The following LMNA variants were observed in gnomAD, a reference collection of about 807,000 sequenced individuals.
LMNA encodes the protein lamin.
Under a neutral mutation model 70.4 loss-of-function variants are expected in LMNA, and 20 were observed. That is an observed-to-expected ratio of 0.28 (90% CI 0.20 to 0.41). The LOEUF is 0.41. Ranked by LOEUF, LMNA falls within the 10% of genes least tolerant of loss-of-function variation. The pLI, the probability that LMNA is intolerant of heterozygous loss-of-function variation, is 1.00. For missense variants in LMNA, 652 were observed against 917.2 expected, an observed-to-expected ratio of 0.71 and a Z score of 3.73; for synonymous variants, 339 against 372.8, an observed-to-expected ratio of 0.91 and a Z score of 1.04.
At chr1:156,126,247 G>A (rs1474482130) in intron 1 of LMNA, 2 of 1,496,872 alleles carry the variant, frequency 1.3e-6, no homozygotes, top group East Asian at 2.5e-5. Context: ...CTGAGGAGTG[G>A]GTCTAAGGAG....
At chr1:156,118,998 T>C (rs1650017596) in intron 1 of LMNA, among the ~76,000 whole-genome samples, 1 of 152,096 alleles carries the variant, frequency 6.6e-6, no homozygotes, top group African/African-American at 2.4e-5. Context: ...CAGGCTGGGG[T>C]GCAGTGGCAT....
intron 2 of LMNA, among the ~76,000 whole-genome samples, chr1:156,131,115 C>CA (rs1289474398): frequency 6.6e-6 from 1 of 151,940 alleles, no homozygotes; most frequent in Non-Finnish European, 1.5e-5. Flanking sequence ...ACTAAAAATA[C>CA]AAAAAATTAG....
intron 2 of LMNA, among the ~76,000 whole-genome samples, chr1:156,088,016 C>T (rs1229180715): frequency 2.6e-5 from 4 of 151,868 alleles, no homozygotes; most frequent in East Asian, 1.9e-4. Context: ...GGACTACAGG[C>T]GCGCACCACC....
Position 156,135,367 on chromosome 1 carries a change from G to A in LMNA, c.936+55G>A. On this transcript the variant is annotated intron_variant, in intron 5 of 11. Coordinates refer to ENST00000368300, the MANE Select transcript of LMNA (RefSeq NM_170707.4). This position sits in a 1 kb window ranked among gnomAD's most constrained non-coding sequence, Gnocchi z 4.8. ...GGGCCTAGAGTCTGGGCCGGATGCA[G>A]GCTGGAAGCCCAGGGTTGGGGGTGG... is the stretch of plus-strand genomic sequence containing the variant. The A allele has an allele frequency of 6.3e-7, 1 of 1,582,172 alleles. No individual in the cohort carries two copies. The highest frequency in any genetic ancestry group is 8.6e-7 in the Non-Finnish European group (1 of 1,163,420).
Position 156,136,231 on chromosome 1 carries a change from G to C in LMNA, c.1175G>C (p.Ser392Thr). The C allele has an allele frequency of 1.2e-6, 2 of 1,612,280 alleles. No homozygotes were observed. Among genetic ancestry groups the C allele is most frequent in the Non-Finnish European group, 1.7e-6 (2 of 1,180,026 alleles). ...GEEERLRLSP[S>T]PTSQRSRGRA... ...CTCCCCAGGCTACGCCTGTCCCCCA[G>C]CCCTACCTCGCAGCGCAGCCGTGGC... is the stretch of plus-strand genomic sequence containing the variant. Residue 392 changes from serine (S) to threonine (T), a missense_variant, in exon 7 of 12, where the codon AGC becomes ACC. Around this residue, in one of 4 missense-constraint regions of LMNA, gnomAD observed 327 missense variants for 387.6 expected, o/e 0.84. Transcript: ENST00000368300. The surrounding 1 kb of genome is among the most constrained non-coding windows in gnomAD (Gnocchi z 6.1).
Position 156,137,859 on chromosome 1 carries a change from G to A in LMNA, c.1698+116G>A. 8 of 1,530,670 alleles carry A rather than the reference G, an allele frequency of 5.2e-6. No homozygotes were observed. The highest frequency in any genetic ancestry group is 7.0e-6 in the Non-Finnish European group (8 of 1,142,590). 94.8% of individuals were successfully genotyped at this position (1,530,670 alleles called of 1,614,324 possible). ...AATCTTTTCATTAAAGAATGTTTTGGAACTTTACTCGCTGGCCTGGCCTTT... is the reference window on the plus strand; with the variant it reads ...AATCTTTTCATTAAAGAATGTTTTGAAACTTTACTCGCTGGCCTGGCCTTT... On this transcript the variant is annotated intron_variant, in intron 10 of 11. Transcript: ENST00000368300. The surrounding 1 kb of genome is among the most constrained non-coding windows in gnomAD (Gnocchi z 4.6).
chr1:156,111,517 G>A (rs185674251), upstream of LMNA, among the ~76,000 whole-genome samples: 1 of 151,848 alleles, frequency 6.6e-6, no homozygotes, highest in Admixed American at 6.6e-5. Flanking sequence ...TTTCACTCAT[G>A]CATGCTCCAG....
chr1:156,129,862 G>A (rs1249745130), intron 1 of LMNA: 2 of 771,556 alleles, frequency 2.6e-6, no homozygotes, highest in Admixed American at 1.7e-5. Flanking sequence ...GGACCTGGAG[G>A]CCTGGGATCC....
chr1:156,094,568 C>T (rs1648840886), intron 3 of LMNA, among the ~76,000 whole-genome samples: 1 of 152,128 alleles, frequency 6.6e-6, no homozygotes, highest in Non-Finnish European at 1.5e-5. Context: ...CCTGTGCTAT[C>T]TCAAACTCCT....
chr1:156,118,989 A>C (rs561475280), intron 1 of LMNA, among the ~76,000 whole-genome samples: 1 of 152,264 alleles, frequency 6.6e-6, no homozygotes, highest in South Asian at 2.1e-4. Context: ...TCTGTTGCCC[A>C]GGCTGGGGTG....
intron 3 of LMNA, among the ~76,000 whole-genome samples, chr1:156,102,313 G>GC (rs755264760): frequency 3.3e-5 from 5 of 152,200 alleles, no homozygotes; most frequent in Admixed American, 1.3e-4. Flanking sequence ...TGAGTAAGAG[G>GC]CCAGAAAGCA....
chr1:156,137,756 C>T lies in LMNA; in HGVS notation c.1698+13C>T, dbSNP rs80338938. On this transcript the variant is annotated intron_variant, in intron 10 of 11. Transcript: ENST00000368300. The surrounding 1 kb of genome is among the most constrained non-coding windows in gnomAD (Gnocchi z 4.6). Reference sequence around the variant, plus strand: ...CCATCACCACCACGTGAGTGGTAGCCGCCGCTGAGGCCGAGCCTGCACTGG... The same window carrying T: ...CCATCACCACCACGTGAGTGGTAGCTGCCGCTGAGGCCGAGCCTGCACTGG... The T allele has an allele frequency of 3.9e-5, 61 of 1,547,816 alleles. No individual in the cohort carries two copies. The highest frequency in any genetic ancestry group is 1.2e-4 in the Admixed American group (6 of 50,978).
intron 1 of LMNA, chr1:156,126,896 G>A (rs1211122470): frequency 1.9e-6 from 3 of 1,608,216 alleles, no homozygotes; most frequent in South Asian, 2.2e-5. Flanking sequence ...CAGGACACGG[G>A]CGAAGCCAGG....
At chr1:156,110,847 G>A (rs1649509694), upstream of LMNA, among the ~76,000 whole-genome samples, 4 of 151,800 alleles carry the variant, frequency 2.6e-5, no homozygotes, top group South Asian at 8.3e-4. Flanking sequence ...GTGGTGGTGG[G>A]TGCCTATAAT....
rs727504932 is a variant in LMNA, at chr1:156,134,794, A to C, written c.640-11A>C. The C allele has an allele frequency of 1.4e-5, 23 of 1,614,034 alleles. 1 individual carries two copies. The highest frequency in any genetic ancestry group is 1.6e-4 in the Middle Eastern group (1 of 6,084). ...ATTTTGGTTTCTGTGTCCTTCCTCC[A>C]ACCCTTCCAGGAGCTGCGTGAGACC... On this transcript the variant is annotated splice_polypyrimidine_tract_variant and intron_variant, in intron 3 of 11. Coordinates refer to ENST00000368300, the MANE Select transcript of LMNA (RefSeq NM_170707.4). The surrounding 1 kb of genome is among the most constrained non-coding windows in gnomAD (Gnocchi z 5.3).
chr1:156,137,759 C>T lies in LMNA; in HGVS notation c.1698+16C>T, dbSNP rs773169005. On this transcript the variant is annotated intron_variant, in intron 10 of 11. Coordinates refer to ENST00000368300, the MANE Select transcript of LMNA (RefSeq NM_170707.4). This position sits in a 1 kb window ranked among gnomAD's most constrained non-coding sequence, Gnocchi z 4.6. The stretch of plus-strand genomic sequence containing the variant: ...TCACCACCACGTGAGTGGTAGCCGC[C>T]GCTGAGGCCGAGCCTGCACTGGGGC... 48 of 1,547,722 alleles carry T rather than the reference C, an allele frequency of 3.1e-5. No individual in the cohort carries two copies. The East Asian group carries it at 7.3e-4, about 24-fold the overall frequency.
chr1:156,138,044 G>A lies in LMNA; in HGVS notation c.1698+301G>A. 1 of 576,368 alleles carries A rather than the reference G, an allele frequency of 1.7e-6. No homozygotes were observed. The highest frequency in any genetic ancestry group is 3.0e-6 in the Non-Finnish European group (1 of 328,298). 35.7% of individuals were successfully genotyped at this position (576,368 alleles called of 1,614,324 possible). On this transcript the variant is annotated intron_variant, in intron 10 of 11. Transcript: ENST00000368300. The surrounding 1 kb of genome is among the most constrained non-coding windows in gnomAD (Gnocchi z 5.5). ...CTTCTGGGAAAGGGAGGGGAGGACA[G>A]ACGTGGGGCATGCCCGCCCTGCCTC...
chr1:156,124,450 G>T (rs1276557726), intron 1 of LMNA, among the ~76,000 whole-genome samples: 1 of 152,088 alleles, frequency 6.6e-6, no homozygotes, highest in African/African-American at 2.4e-5. Flanking sequence ...CACCATGCCT[G>T]GCTAATTTTT....
chr1:156,132,882 C>T (rs1030673301), intron 2 of LMNA, among the ~76,000 whole-genome samples: 14 of 146,974 alleles, frequency 9.5e-5, no homozygotes, highest in Non-Finnish European at 1.8e-4. Flanking sequence ...CTCTGTCACC[C>T]AGGCTGGAGT....
Sources: gnomAD v4.1 joint callset for allele counts (sites outside exome capture counted in the v4.1 genomes callset) on GRCh38, gnomAD v4.1.1 for gene constraint, gnomAD v4.1.1 regional missense constraint, Gnocchi (gnomAD v3.1) non-coding constraint, MANE v1.5 for transcripts, NCBI Gene and HGNC (gene_info 2026-07-23, HGNC 2026-07-21) for gene names.